The following YPEL2 variants were observed in gnomAD, a reference collection of about 807,000 sequenced individuals.
YPEL2 encodes the protein protein yippee-like 2.
In YPEL2, 2 loss-of-function variants were observed where a neutral mutation model predicts 19.1. The observed-to-expected ratio is 0.10, with a 90% confidence interval of 0.04 to 0.33. YPEL2 has a LOEUF of 0.33. Ranked by LOEUF, YPEL2 falls within the 10% of genes least tolerant of loss-of-function variation. The pLI is 1.00. For missense variants in YPEL2, 66 were observed against 140.7 expected (o/e 0.47, Z 2.68); for synonymous variants, 52 against 50.0 (o/e 1.04, Z -0.17).
chr17:59,355,436 G>A (rs554539234), intron 2 of YPEL2: 1 of 152,294 alleles, frequency 6.6e-6, no homozygotes, highest in East Asian at 1.9e-4. Context: ...TTGACAATTT[G>A]GCAGAGTCTG....
intron 2 of YPEL2, among the ~76,000 whole-genome samples, chr17:59,359,799 G>C (rs569788234): frequency 6.6e-6 from 1 of 152,260 alleles, no homozygotes; most frequent in Admixed American, 6.5e-5. Flanking sequence ...CTCTTTGCCA[G>C]AGCAGTGGTA....
intron 1 of YPEL2, among the ~76,000 whole-genome samples, chr17:59,332,741 G>C (rs532057167): frequency 1.3e-5 from 2 of 152,300 alleles, no homozygotes; most frequent in East Asian, 3.9e-4. Context: ...GTTTTCCTCC[G>C]CTTGGAGCGG....
At chr17:59,334,571 AACACACACACAC>A (rs35386954) in intron 1 of YPEL2, among the ~76,000 whole-genome samples, 88 of 145,230 alleles carry the variant, frequency 6.1e-4, no homozygotes, top group African/African-American at 1.9e-3. Context: ...TTCAGGCACA[AACACACACACAC>A]ACACACACAC....
intron 2 of YPEL2, among the ~76,000 whole-genome samples, chr17:59,381,448 G>A (rs575602874): frequency 3.2e-4 from 48 of 152,292 alleles, no homozygotes; most frequent in Admixed American, 2.4e-3. Context: ...CTGTTCAAGT[G>A]AATAGGACTC....
chr17:59,378,241 G>C (rs7221245), intron 2 of YPEL2, among the ~76,000 whole-genome samples: 99,219 of 151,866 alleles, frequency 0.65, 34,047 homozygotes, highest in African/African-American at 0.87. Flanking sequence ...GATACCTTGT[G>C]ACTGAGACTC....
At chr17:59,393,302 AT>A (rs149834838) in intron 4 of YPEL2, among the ~76,000 whole-genome samples, 23,679 of 135,186 alleles carry the variant, frequency 0.18, 3,453 homozygotes, top group African/African-American at 0.41. Context: ...TGATTTTTGT[AT>A]TTTTTTTTTT....
chr17:59,390,347 G>A (rs771643796), intron 4 of YPEL2, among the ~76,000 whole-genome samples: 1 of 152,070 alleles, frequency 6.6e-6, no homozygotes, highest in Non-Finnish European at 1.5e-5. Flanking sequence ...TCACTGTGTT[G>A]CTCAGGCTGG....
At chr17:59,369,036 G>C (rs2047884199) in intron 2 of YPEL2, among the ~76,000 whole-genome samples, 1 of 151,048 alleles carries the variant, frequency 6.6e-6, no homozygotes, top group South Asian at 2.1e-4. Flanking sequence ...TAAGAAGAGG[G>C]CCTTTGTTAG....
In YPEL2 at chr17:59,362,004, G is replaced by A. The variant is rs531274874; in HGVS notation, c.117+8478G>A. ...GAAAACATTAAAGGTGTAGGTAGAAGCCAGATTATTAGAAGAATAGAAGCT... is the reference window on the plus strand; with the variant it reads ...GAAAACATTAAAGGTGTAGGTAGAAACCAGATTATTAGAAGAATAGAAGCT... On this transcript the variant is annotated intron_variant, in intron 2 of 4. Coordinates refer to ENST00000312655, the MANE Select transcript of YPEL2 (RefSeq NM_001005404.4). Among the ~76,000 whole-genome samples the A allele has an allele frequency of 2.6e-5, 4 of 152,324 alleles. No homozygotes were observed. In the East Asian group the frequency reaches 7.7e-4, roughly 29 times the overall value.
intron 2 of YPEL2, among the ~76,000 whole-genome samples, chr17:59,377,133 A>G (rs2047926075): frequency 6.6e-6 from 1 of 152,196 alleles, no homozygotes; most frequent in African/African-American, 2.4e-5. Flanking sequence ...CTGACTTCAT[A>G]GACAACCTTT....
intron 4 of YPEL2, among the ~76,000 whole-genome samples, chr17:59,390,917 T>C (rs1362202089): frequency 6.6e-6 from 1 of 152,184 alleles, no homozygotes; most frequent in Non-Finnish European, 1.5e-5. Flanking sequence ...ACTTACAGAG[T>C]TGGTTTGAGT....
intron 2 of YPEL2, among the ~76,000 whole-genome samples, chr17:59,370,841 G>A (rs924137114): frequency 6.6e-6 from 1 of 151,944 alleles, no homozygotes; most frequent in African/African-American, 2.4e-5. Flanking sequence ...GCTGAAACCA[G>A]ACAAGAGGAA....
Position 59,389,378 on chromosome 17 carries a change from G to A in YPEL2, c.180G>A (p.Gly60=). 1 of 1,614,096 alleles carries A rather than the reference G, an allele frequency of 6.2e-7. No individual in the cohort carries two copies. Among genetic ancestry groups the A allele is most frequent in the East Asian group, 2.2e-5 (1 of 44,880 alleles). ...LFNSVVNVGC[G]PAEERVLLTG... is the part of the protein sequence containing the mutation. ...GACATAGAGTTAATGTGGGCTGTGG[G>A]CCTGCAGAAGAGCGAGTGTTGCTAA... The change falls in exon 4 of 5, where the codon GGG becomes GGA. Residue 60 remains glycine (G), a synonymous_variant. Coordinates refer to ENST00000312655, the MANE Select transcript of YPEL2 (RefSeq NM_001005404.4).
chr17:59,400,285 C>A lies in YPEL2; in HGVS notation c.*3095C>A, dbSNP rs1433917971. On this transcript the variant is annotated 3_prime_UTR_variant, in exon 5 of 5. Coordinates refer to ENST00000312655, the MANE Select transcript of YPEL2 (RefSeq NM_001005404.4). ...AGATGACCCTTTATAAAGAGATTTT[C>A]AAGTGGATATATATAAAAGAAACAG... 6.6e-6 allele frequency: 1 copy of A among 152,516 alleles called. No homozygotes were observed. Among genetic ancestry groups the A allele is most frequent in the Non-Finnish European group, 1.5e-5 (1 of 68,016 alleles). 9.4% of individuals were successfully genotyped at this position (152,516 alleles called of 1,614,324 possible).
chr17:59,393,838 A>G (rs1285038447), intron 4 of YPEL2, among the ~76,000 whole-genome samples: 2 of 151,642 alleles, frequency 1.3e-5, no homozygotes, highest in Non-Finnish European at 2.9e-5. Flanking sequence ...GGGTAAGGTC[A>G]TAGATCAACA....
chr17:59,392,606 G>T (rs189199055), intron 4 of YPEL2, among the ~76,000 whole-genome samples: 199 of 151,384 alleles, frequency 1.3e-3, no homozygotes, highest in Non-Finnish European at 2.3e-3. Context: ...CACCTCCTGG[G>T]TTCAAGCAAT....
intron 2 of YPEL2, chr17:59,366,110 G>A (rs967769645): frequency 6.8e-6 from 1 of 146,194 alleles, no homozygotes; most frequent in Admixed American, 7.1e-5. Context: ...CTGTTGGGAA[G>A]CTAACTGTGA....
chr17:59,360,371 G>A (rs372870607), intron 2 of YPEL2, among the ~76,000 whole-genome samples: 1 of 152,134 alleles, frequency 6.6e-6, no homozygotes, highest in Non-Finnish European at 1.5e-5. Context: ...GAGCCACTGC[G>A]CCCGGCCGTG....
chr17:59,351,559 G>T (rs1260030855), intron 1 of YPEL2, among the ~76,000 whole-genome samples: 1 of 151,892 alleles, frequency 6.6e-6, no homozygotes, highest in Non-Finnish European at 1.5e-5. Flanking sequence ...AGGGGTTCTG[G>T]ATCCAAAAGT....
Sources: allele counts gnomAD v4.1 joint callset (sites outside exome capture counted in the v4.1 genomes callset), GRCh38; gene constraint gnomAD v4.1.1; transcripts MANE v1.5; gene names NCBI Gene and HGNC (gene_info 2026-07-23, HGNC 2026-07-21).